Variants in HNRNPUL2 observed in about 807,000 individuals in gnomAD.
HNRNPUL2 encodes heterogeneous nuclear ribonucleoprotein U-like protein 2.
Under a neutral mutation model 102.2 loss-of-function variants are expected in HNRNPUL2, and 27 were observed. The ratio of observed to expected loss-of-function variants is 0.26; its 90% CI spans 0.19 to 0.36. The LOEUF (loss-of-function observed/expected upper bound fraction) is 0.36. Ranked by LOEUF, HNRNPUL2 falls within the 10% of genes least tolerant of loss-of-function variation. HNRNPUL2 has a pLI of 1.00. For synonymous variants in HNRNPUL2, 458 were observed against 387.2 expected (o/e 1.18, Z -2.15); for missense variants, 936 against 981.1 (o/e 0.95, Z 0.61).
At chr11:62,726,323 G>A (rs771429576) in intron 1 of HNRNPUL2, among the ~76,000 whole-genome samples, 2 of 152,148 alleles carry the variant, frequency 1.3e-5, no homozygotes, top group Non-Finnish European at 2.9e-5. Context: ...AATATAACAA[G>A]CACCGTGGGA....
In HNRNPUL2 at chr11:62,715,907, C is replaced by T. The variant is rs1317770201; in HGVS notation, c.2012G>A (p.Arg671Gln). The T allele has an allele frequency of 4.3e-6, 7 of 1,611,742 alleles. No individual in the cohort carries two copies. Among genetic ancestry groups the T allele is most frequent in the African/African-American group, 1.3e-5 (1 of 74,782 alleles). Reference protein sequence around the residue: ...VGGQRRGYDNRAYGQQYWGQP... With the variant: ...VGGQRRGYDNQAYGQQYWGQP... ...CCCCCAGTACTGCTGCCCGTAGGCC[C>T]GGTTGTCGTAGCCTCGGCGCTGCCC... The change falls in exon 12 of 14, where the codon CGG (arginine) becomes CAG (glutamine). Residue 671 changes from arginine to glutamine, a missense_variant. Physicochemically the swap from Arg to Gln is conservative, Grantham distance 43. Coordinates refer to ENST00000301785, the MANE Select transcript of HNRNPUL2 (RefSeq NM_001079559.3).
At chr11:62,721,064 T>C (rs907695767) in intron 9 of HNRNPUL2, among the ~76,000 whole-genome samples, 6 of 152,162 alleles carry the variant, frequency 3.9e-5, no homozygotes, top group Admixed American at 1.3e-4. Context: ...GAGCCAGGAA[T>C]TCAAATGAGT....
intron 1 of HNRNPUL2, 31 bp downstream of exon 1, chr11:62,726,588 T>A: frequency 6.7e-7 from 1 of 1,501,528 alleles, no homozygotes; most frequent in Non-Finnish European, 8.9e-7. Context: ...AGCCGGCAGG[T>A]TGGAGCCGGG....
In HNRNPUL2 at chr11:62,715,168, C is replaced by CG; in HGVS notation, c.*130_*131insC. 1 of 137,376 alleles carries CG rather than the reference C, an allele frequency of 7.3e-6. No homozygotes were observed. 8.5% of individuals were successfully genotyped at this position (137,376 alleles called of 1,614,324 possible). On this transcript the variant is annotated 3_prime_UTR_variant, in exon 14 of 14. Transcript: ENST00000301785. ...CCCACCCCTGCTTGAGCACCCTCCC[C>CG]CCCCACCACCCCTCCCCGGCAGCTC... is the stretch of plus-strand genomic sequence containing the variant.
At position 62,726,843 on chromosome 11, in the gene HNRNPUL2, T is replaced by C. The variant is rs1267017694; in HGVS notation, c.314A>G (p.Gln105Arg). 1.1e-5 allele frequency: 18 copies of C among 1,589,320 alleles called. No homozygotes were observed. Among genetic ancestry groups the C allele is most frequent in the Non-Finnish European group, 1.5e-5 (18 of 1,174,924 alleles). The change falls in exon 1 of 14, where the codon CAG (glutamine) becomes CGG (arginine). Residue 105 changes from glutamine (Q) to arginine (R), a missense_variant. Gln to Arg is a conservative substitution (Grantham distance 43, BLOSUM62 1). Around this residue, in one of 2 missense-constraint regions of HNRNPUL2, gnomAD observed 327 missense variants for 268.1 expected, o/e 1.22. Coordinates refer to ENST00000301785, the MANE Select transcript of HNRNPUL2 (RefSeq NM_001079559.3). The stretch of plus-strand genomic sequence containing the variant: ...GGGCTCCGGCGGCGGCTGCGCGGCC[T>C]GACCCAAGGCTTGAGCAGGGGGTGG... ...EEPPPAQALG[Q>R]AAQPPPEPPE...
At chr11:62,725,077 T>G (rs1243424934) in intron 1 of HNRNPUL2, among the ~76,000 whole-genome samples, 1 of 151,548 alleles carries the variant, frequency 6.6e-6, no homozygotes, top group African/African-American at 2.4e-5. Context: ...AGAAAGGTGT[T>G]GTTGTATATT....
chr11:62,726,595 C>A (rs776521240), intron 1 of HNRNPUL2, 24 bp downstream of exon 1: 11 of 1,512,524 alleles, frequency 7.3e-6, no homozygotes, highest in Non-Finnish European at 9.7e-6. Flanking sequence ...AGGTTGGAGC[C>A]GGGCTCGGCT....
chr11:62,717,013 T>A lies in HNRNPUL2; in HGVS notation c.1957A>T (p.Asn653Tyr). Reference sequence around the variant, plus strand: ...CCATAGCCTTGGCCCCGGCTTCGGTTCTGCCGGTTACGCTTGTTTCGGTTG... The same window carrying A: ...CCATAGCCTTGGCCCCGGCTTCGGTACTGCCGGTTACGCTTGTTTCGGTTG... ...RNNRNKRNRQ[N>Y]RSRGQGYVGG... is the part of the protein sequence containing the mutation. The change falls in exon 11 of 14, where the codon AAC (asparagine) becomes TAC (tyrosine). Residue 653 changes from asparagine (N) to tyrosine (Y), a missense_variant. Transcript: ENST00000301785. The A allele has an allele frequency of 6.2e-7, 1 of 1,613,462 alleles. No individual in the cohort carries two copies. Among genetic ancestry groups the A allele is most frequent in the Non-Finnish European group, 8.5e-7 (1 of 1,180,000 alleles).
intron 11 of HNRNPUL2, 38 bp downstream of exon 11, chr11:62,716,951 G>A (rs755697756): frequency 3.7e-6 from 6 of 1,607,008 alleles, no homozygotes; most frequent in South Asian, 1.1e-5. Context: ...CACAAAGAAT[G>A]GACTGAAGTA....
chr11:62,719,330 A>C (rs960218565), intron 10 of HNRNPUL2, among the ~76,000 whole-genome samples: 1 of 152,160 alleles, frequency 6.6e-6, no homozygotes, highest in Non-Finnish European at 1.5e-5. Context: ...ACATGCTTGT[A>C]ATCTCAGCTA....
chr11:62,722,315 G>T lies in HNRNPUL2; in HGVS notation c.1161C>A (p.Phe387Leu). The change falls in exon 7 of 14, where the codon TTC becomes TTA. Residue 387 changes from phenylalanine to leucine, a missense_variant. This residue lies in a region of HNRNPUL2 where 609 missense variants were observed against 713.0 expected (regional missense o/e 0.85). Coordinates refer to ENST00000301785, the MANE Select transcript of HNRNPUL2 (RefSeq NM_001079559.3). ...CTGCCAGGGAATCCTTGCTGATCCA[G>T]AATGCCACACCTAGGTCTTCTCCAT... ...SKNGEDLGVAFWISKDSLADR... is the reference protein window; with the variant it reads ...SKNGEDLGVALWISKDSLADR... 1 of 1,614,092 alleles carries T rather than the reference G, an allele frequency of 6.2e-7. No individual in the cohort carries two copies. The highest frequency in any genetic ancestry group is 8.5e-7 in the Non-Finnish European group (1 of 1,179,932).
At chr11:62,725,686 C>G (rs1299741133) in intron 1 of HNRNPUL2, among the ~76,000 whole-genome samples, 2 of 152,308 alleles carry the variant, frequency 1.3e-5, no homozygotes, top group East Asian at 3.9e-4. Flanking sequence ...AGAACTGAGG[C>G]CACCCACTTT....
intron 12 of HNRNPUL2, 82 bp from the exon 13 acceptor site, chr11:62,715,689 A>G (rs562342708): frequency 8.7e-7 from 1 of 1,147,534 alleles, no homozygotes; most frequent in African/African-American, 1.5e-5. Context: ...TAAATGCGAC[A>G]CATCTTAGCT....
intron 10 of HNRNPUL2, among the ~76,000 whole-genome samples, chr11:62,718,672 G>A (rs906861702): frequency 7.5e-6 from 1 of 133,830 alleles, no homozygotes; most frequent in Non-Finnish European, 1.5e-5. Flanking sequence ...CAACCTGGGC[G>A]ACAAGGGCAA....
chr11:62,714,181 TG>T lies in HNRNPUL2; in HGVS notation c.*1117del, dbSNP rs1470577233. 2.3e-5 allele frequency: 3 copies of T among 132,592 alleles called. No homozygotes were observed. Among genetic ancestry groups the T allele is most frequent in the Admixed American group, 7.9e-5 (1 of 12,696 alleles). The allele number at this position is 132,592 out of a possible 1,614,324, so 8.2% of individuals were successfully genotyped here. On this transcript the variant is annotated 3_prime_UTR_variant, in exon 14 of 14. Coordinates refer to ENST00000301785, the MANE Select transcript of HNRNPUL2 (RefSeq NM_001079559.3). ...CCCTCTTCTATTCATTCTCTACCTG[TG>T]TATCAAAAAAACCAGCAGGGCACGA...
rs897138190 is a variant in HNRNPUL2, at chr11:62,715,524, G to T, written c.2139C>A (p.Asp713Glu). 4 of 1,611,758 alleles carry T rather than the reference G, an allele frequency of 2.5e-6. No homozygotes were observed. Among genetic ancestry groups the T allele is most frequent in the Non-Finnish European group, 3.4e-6 (4 of 1,178,140 alleles). Residue 713 changes from aspartate to glutamate, a missense_variant, in exon 13 of 14, where the codon GAC (aspartate) becomes GAA (glutamate). Physicochemically the swap from Asp to Glu is conservative, Grantham distance 45. Transcript: ENST00000301785. ...GRDYEYNRYR[D>E]YYRQYNRDWQ... ...CATCCCGATTGTATTGTCTGTAATA[G>T]TCTCTGTATCTGTTGTACTCATAAT...
chr11:62,721,258 C>G, intron 9 of HNRNPUL2, 37 bp downstream of exon 9: 1 of 1,574,830 alleles, frequency 6.3e-7, no homozygotes, highest in Middle Eastern at 1.7e-4. Context: ...ATATACACAT[C>G]CCACCTTGAC....
rs772008684 is a variant in HNRNPUL2 at position 62,722,796 on chromosome 11, T to TA, written c.982+16dup. On this transcript the variant is annotated intron_variant, in intron 5 of 13. Transcript: ENST00000301785. ...TGGTAGTAAACACTAATGAGGAACT[T>TA]AAAGAAATAACTTTACCAAGCTGTG... 2.5e-6 allele frequency: 4 copies of TA among 1,613,056 alleles called. No individual in the cohort carries two copies. Among genetic ancestry groups the TA allele is most frequent in the Admixed American group, 1.7e-5 (1 of 60,004 alleles).
intron 10 of HNRNPUL2, among the ~76,000 whole-genome samples, chr11:62,719,016 C>T (rs2083681061): frequency 6.6e-6 from 1 of 151,958 alleles, no homozygotes; most frequent in Admixed American, 6.6e-5. Context: ...TTAGTAGAGA[C>T]AGGGTTTCAC....
Sources: gnomAD v4.1 joint callset for allele counts (sites outside exome capture counted in the v4.1 genomes callset) on GRCh38, gnomAD v4.1.1 for gene constraint, gnomAD v4.1.1 regional missense constraint, MANE v1.5 for transcripts, NCBI Gene and HGNC (gene_info 2026-07-23, HGNC 2026-07-21) for gene names.